AIFM1: variants seen among roughly 807,000 people sequenced by gnomAD.
AIFM1 encodes the protein apoptosis-inducing factor 1, mitochondrial.
Under a neutral mutation model 51.7 loss-of-function variants are expected in AIFM1, and 3 were observed. That is an observed-to-expected ratio of 0.06 (90% CI 0.03 to 0.15). The LOEUF (loss-of-function observed/expected upper bound fraction) is 0.15, where lower values mean the gene tolerates loss of function less well. Ranked by LOEUF, AIFM1 falls within the 10% of genes least tolerant of loss-of-function variation. The pLI is 1.00. For missense variants in AIFM1, 330 were observed against 476.8 expected, an observed-to-expected ratio of 0.69 and a Z score of 2.87; for synonymous variants, 178 against 179.4, an observed-to-expected ratio of 0.99 and a Z score of 0.06.
At chrX:130,149,678 C>T (rs772832361) in intron 2 of AIFM1, 110 bp from the exon 3 acceptor site, 26 of 592,432 alleles carry the variant, frequency 4.4e-5, no homozygotes, top group Non-Finnish European at 7.2e-5. Context: ...GATGTTAGTT[C>T]CTCTATGTCA....
At position 130,138,754 on chromosome X, in the gene AIFM1, A is replaced by G. The variant is rs879032901; in HGVS notation, c.859-53T>C. 4.8e-6 allele frequency: 4 copies of G among 840,232 alleles called. No homozygotes were observed. The South Asian group carries it at 8.2e-5, about 17-fold the overall frequency. The allele number at this position is 840,232 out of a possible 1,213,427, so 69.2% of individuals were successfully genotyped here. ...TAATTTCCAAAAGGGGCATAGGATA[A>G]TAATACTAGAAAGTAGTTTCTTCTA... On this transcript the variant is annotated intron_variant, in intron 8 of 15. Transcript: ENST00000287295.
intron 1 of AIFM1, among the ~76,000 whole-genome samples, chrX:130,157,348 T>C (rs1390487403): frequency 1.8e-5 from 2 of 112,283 alleles, no homozygotes; most frequent in Admixed American, 1.9e-4. Flanking sequence ...TTCTGTAGAT[T>C]TCTTTTTCTA....
chrX:130,161,640 C>T (rs185462095), intron 1 of AIFM1, among the ~76,000 whole-genome samples: 2 of 102,003 alleles, frequency 2.0e-5, no homozygotes, highest in Admixed American at 2.1e-4. Flanking sequence ...CAGATTCTCG[C>T]TCTGTCGTCC....
chrX:130,149,383 G>A lies in AIFM1; in HGVS notation c.349+86C>T. On this transcript the variant is annotated intron_variant, in intron 3 of 15. Coordinates refer to ENST00000287295, the MANE Select transcript of AIFM1 (RefSeq NM_004208.4). ...TCTCATACCACCATTGCTTCTACAA[G>A]ACATCCATAAATCACAGCACCCAAA... 5.3e-6 allele frequency: 4 copies of A among 760,138 alleles called. No individual in the cohort carries two copies. In the South Asian group the frequency reaches 8.3e-5, roughly 16 times the overall value. The allele number at this position is 760,138 out of a possible 1,213,427, so 62.6% of individuals were successfully genotyped here.
chrX:130,135,153 ACTCACTGCAGC>A (rs1278527822), intron 12 of AIFM1, among the ~76,000 whole-genome samples: 1 of 104,733 alleles, frequency 9.5e-6, no homozygotes, highest in Non-Finnish European at 2.0e-5. Context: ...CATGATCTCC[ACTCACTGCAGC>A]CTCTGCCTCC....
intron 6 of AIFM1, among the ~76,000 whole-genome samples, chrX:130,142,522 A>T (rs777110945): frequency 8.9e-6 from 1 of 111,740 alleles, no homozygotes; most frequent in African/African-American, 3.2e-5. Context: ...GTCCCATCCA[A>T]TAGGTCCCAC....
chrX:130,164,847 T>C (rs995729834), intron 1 of AIFM1, among the ~76,000 whole-genome samples: 2 of 111,842 alleles, frequency 1.8e-5, no homozygotes, highest in African/African-American at 6.5e-5. Context: ...TGCCTCAGTT[T>C]ATTATCTATA....
rs1372503698 is a variant in AIFM1 at position 130,150,595 on chromosome X, A to G, written c.250-1027T>C. ...CGTGATCTGCCCGCCTCGGCCTCCC[A>G]AAGTGCTGGGATTACAGGCGTGAGC... On this transcript the variant is annotated intron_variant, in intron 2 of 15. Coordinates refer to ENST00000287295, the MANE Select transcript of AIFM1 (RefSeq NM_004208.4). Among the ~76,000 whole-genome samples the G allele has an allele frequency of 2.8e-5, 3 of 105,339 alleles. No homozygotes were observed. The Admixed American group carries it at 3.0e-4, about 11-fold the overall frequency. 91.5% of individuals were successfully genotyped at this position (105,339 alleles called of 115,157 possible). A position where few individuals can be genotyped will look rare whatever the true frequency, so the allele number is the denominator to read the frequency against.
At chrX:130,146,337 G>A (rs1018303969) in intron 5 of AIFM1, among the ~76,000 whole-genome samples, 4 of 109,263 alleles carry the variant, frequency 3.7e-5, no homozygotes, top group African/African-American at 6.7e-5. Context: ...CTAGCTACTC[G>A]GGAGGCTGAG....
At chrX:130,165,213 A>G (rs1461530370) in intron 1 of AIFM1, among the ~76,000 whole-genome samples, 1 of 88,825 alleles carries the variant, frequency 1.1e-5, no homozygotes, top group African/African-American at 4.4e-5. Context: ...GGTAAATGAC[A>G]AAGTCTACTT....
At chrX:130,159,890 G>A (rs1201192006) in intron 1 of AIFM1, among the ~76,000 whole-genome samples, 9 of 108,023 alleles carry the variant, frequency 8.3e-5, no homozygotes, top group Non-Finnish European at 1.7e-4. Context: ...GCACAATCTC[G>A]GCTCACTGCA....
chrX:130,150,021 C>T (rs60613260), intron 2 of AIFM1, among the ~76,000 whole-genome samples: 3 of 111,554 alleles, frequency 2.7e-5, no homozygotes, highest in East Asian at 5.6e-4. Context: ...GTCAACATTC[C>T]GGCTTTTGCT....
chrX:130,152,337 G>A (rs1291383896), intron 2 of AIFM1, among the ~76,000 whole-genome samples: 1 of 110,462 alleles, frequency 9.1e-6, no homozygotes, highest in East Asian at 2.8e-4. Flanking sequence ...GCAAGAATGA[G>A]GTCGATCTGT....
chrX:130,136,078 A>G lies in AIFM1; in HGVS notation c.1272T>C (p.Asn424=), dbSNP rs760242972. The change falls in exon 12 of 16, where the codon AAT becomes AAC. Residue 424 remains asparagine (N), a synonymous_variant. Transcript: ENST00000287295. ...TGTTAGAGCGTGCTTGTAGCTCTGC[A>G]TTTACCCGGAAGCCACCAAAATCTG... is the stretch of plus-strand genomic sequence containing the variant. The part of the protein sequence containing the change: ...IDSDFGGFRV[N]AELQARSNIW... 2 of 1,211,545 alleles carry G rather than the reference A, an allele frequency of 1.7e-6. No individual in the cohort carries two copies. The highest frequency in any genetic ancestry group is 2.2e-6 in the Non-Finnish European group (2 of 895,444).
chrX:130,132,997 G>A (rs1032904239), intron 13 of AIFM1, among the ~76,000 whole-genome samples: 1 of 111,044 alleles, frequency 9.0e-6, no homozygotes, highest in Non-Finnish European at 1.9e-5. Context: ...CGCCCACCTC[G>A]GCCTCTGACC....
intron 2 of AIFM1, among the ~76,000 whole-genome samples, chrX:130,152,533 C>T (rs1042787615): frequency 5.4e-5 from 6 of 111,637 alleles, no homozygotes; most frequent in Non-Finnish European, 1.9e-5. Flanking sequence ...ATTTATTCAA[C>T]TTAATGGGAT....
intron 6 of AIFM1, among the ~76,000 whole-genome samples, chrX:130,144,713 A>G (rs749907620): frequency 1.8e-5 from 2 of 111,628 alleles, no homozygotes; most frequent in Non-Finnish European, 3.8e-5. Flanking sequence ...CTACACACCT[A>G]TGTGTTATGA....
chrX:130,157,692 C>T (rs977614160), intron 1 of AIFM1, among the ~76,000 whole-genome samples: 2 of 110,587 alleles, frequency 1.8e-5, no homozygotes, highest in Non-Finnish European at 3.8e-5. Context: ...GTAGGTCAGG[C>T]GTGGTGGCTC....
Position 130,133,374 on chromosome X carries a change from T to C in AIFM1, c.1387A>G (p.Arg463Gly). 8.3e-7 allele frequency: 1 copy of C among 1,211,233 alleles called. No individual in the cohort carries two copies. ...EHHDHAVVSG[R>G]LAGENMTGAA... ...CCAGTCATATTTTCTCCAGCCAATC[T>C]TCCACTCACAACAGCGTGATCATGG... Residue 463 changes from arginine (R) to glycine (G), a missense_variant, in exon 13 of 16, where the codon AGA (arginine) becomes GGA (glycine). By Grantham distance (125) the Arg-to-Gly change is moderately radical. Transcript: ENST00000287295.
Sources: gnomAD v4.1 joint callset for allele counts (sites outside exome capture counted in the v4.1 genomes callset) on GRCh38, gnomAD v4.1.1 for gene constraint, MANE v1.5 for transcripts, NCBI Gene and HGNC (gene_info 2026-07-23, HGNC 2026-07-21) for gene names.